SFI1: variants seen among roughly 807,000 people sequenced by gnomAD.
SFI1 encodes protein SFI1 homolog.
In SFI1, 195 loss-of-function variants were observed where a neutral mutation model predicts 207.5. That is an observed-to-expected ratio of 0.94 (90% confidence interval 0.84 to 1.06). SFI1 has a LOEUF of 1.06. Ranked by LOEUF, SFI1 falls within the 50% of genes least tolerant of loss-of-function variation. The pLI, the probability that SFI1 is intolerant of heterozygous loss-of-function variation, is 0.00. For synonymous variants in SFI1, 630 were observed against 598.9 expected (o/e 1.05, Z -0.76); for missense variants, 1,634 against 1,588.0 (o/e 1.03, Z -0.49).
intron 19 of SFI1, 51 bp from the exon 20 acceptor site, chr22:31,604,818 A>G (rs754988340): frequency 9.7e-6 from 15 of 1,547,958 alleles, no homozygotes; most frequent in Middle Eastern, 1.7e-4. Context: ...CTGCCTAAAC[A>G]GGGGGAAGTG....
intron 15 of SFI1, among the ~76,000 whole-genome samples, chr22:31,594,005 A>AGAGGGGCAGGGAGAGGGAGAGGGG (rs71184509): frequency 7.8e-6 from 1 of 128,214 alleles, no homozygotes; most frequent in African/African-American, 3.0e-5. Context: ...AGGGAGAGGG[A>AGAGGGGCAGGGAGAGGGAGAGGGG]CAGGGAGAGG....
Position 31,615,546 on chromosome 22 carries a change from C to T in SFI1, c.3300+267C>T, listed in dbSNP as rs1603371640. Reference sequence around the variant, plus strand: ...CCCTGCCTGCAGGCCAGTAAAGTGGCTGCAGATCACGTAGGGTCCTGCAGG... The same window carrying T: ...CCCTGCCTGCAGGCCAGTAAAGTGGTTGCAGATCACGTAGGGTCCTGCAGG... On this transcript the variant is annotated intron_variant, in intron 29 of 32. Transcript: ENST00000400288. The T allele has an allele frequency of 1.6e-5, 6 of 380,598 alleles. No homozygotes were observed. The South Asian group carries it at 6.1e-4, about 39-fold the overall frequency. 23.6% of individuals were successfully genotyped at this position (380,598 alleles called of 1,614,324 possible).
chr22:31,532,488 ACTT>A lies in SFI1; in HGVS notation c.338+1363_338+1365del, dbSNP rs71803043. On this transcript the variant is annotated intron_variant, in intron 4 of 32. Transcript: ENST00000400288. ...ATTGGCAGCCTTTGAGAATGTAAGC[ACTT>A]CTTAAAAACTGAAATGTCTTGGGTT... 5.8e-3 allele frequency among the ~76,000 whole-genome samples: 886 copies of A among 152,208 alleles called. 12 individuals carry two copies. The highest frequency in any genetic ancestry group is 0.02 in the African/African-American group (818 of 41,518).
chr22:31,553,628 C>T (rs1247764031), intron 6 of SFI1, among the ~76,000 whole-genome samples: 4 of 150,232 alleles, frequency 2.7e-5, no homozygotes, highest in African/African-American at 9.8e-5. Flanking sequence ...CTGCCTCGGC[C>T]TCCCAAAGTG....
intron 11 of SFI1, 99 bp from the exon 12 acceptor site, chr22:31,580,172 TC>T: frequency 1.2e-6 from 1 of 809,124 alleles, no homozygotes; most frequent in Non-Finnish European, 2.0e-6. Context: ...ACCAAGCTTC[TC>T]CCCGCTGATT....
At chr22:31,548,081 G>A (rs985291071) in intron 5 of SFI1, among the ~76,000 whole-genome samples, 24 of 151,922 alleles carry the variant, frequency 1.6e-4, no homozygotes, top group African/African-American at 5.3e-4. Context: ...TTGGCTAGGC[G>A]TGGTGGCAGG....
At chr22:31,505,778 G>A (rs2054540333) in intron 1 of SFI1, among the ~76,000 whole-genome samples, 1 of 152,194 alleles carries the variant, frequency 6.6e-6, no homozygotes, top group Non-Finnish European at 1.5e-5. Context: ...CAGCTACTTG[G>A]GAGGCTATGG....
intron 27 of SFI1, 59 bp from the exon 28 acceptor site, chr22:31,614,730 T>C: frequency 6.3e-7 from 1 of 1,584,856 alleles, no homozygotes; most frequent in Non-Finnish European, 8.7e-7. Context: ...CACAGAGATC[T>C]CAGACCCCCC....
intron 13 of SFI1, among the ~76,000 whole-genome samples, chr22:31,584,760 A>G (rs1397213999): frequency 6.6e-6 from 1 of 151,452 alleles, no homozygotes; most frequent in Non-Finnish European, 1.5e-5. Context: ...TTGGCCATGA[A>G]ACCAGAAAGT....
At chr22:31,523,538 G>C (rs1169795605) in intron 2 of SFI1, among the ~76,000 whole-genome samples, 1 of 152,206 alleles carries the variant, frequency 6.6e-6, no homozygotes, top group Non-Finnish European at 1.5e-5. Flanking sequence ...TCAGGTATCT[G>C]AATAGTAAAC....
Position 31,614,786 on chromosome 22 carries a change from C to T in SFI1, c.2997-3C>T, listed in dbSNP as rs201001495. 1.7e-5 allele frequency: 28 copies of T among 1,613,812 alleles called. No homozygotes were observed. In the African/African-American group the frequency reaches 2.4e-4, roughly 14 times the overall value. On this transcript the variant is annotated splice_region_variant and splice_polypyrimidine_tract_variant and intron_variant, in intron 27 of 32. Coordinates refer to ENST00000400288, the MANE Select transcript of SFI1 (RefSeq NM_001007467.3). Reference sequence around the variant, plus strand: ...GGGGAACAGACCCCATGTTTCTTTCCAGCAACACTGCCCACTCAGCGAGGA... The same window carrying T: ...GGGGAACAGACCCCATGTTTCTTTCTAGCAACACTGCCCACTCAGCGAGGA...
chr22:31,519,454 C>T (rs78987783), intron 2 of SFI1, among the ~76,000 whole-genome samples: 7 of 148,164 alleles, frequency 4.7e-5, no homozygotes, highest in East Asian at 2.0e-4. Context: ...TTTTTTTTTC[C>T]GAGACACAGT....
At chr22:31,547,385 A>G (rs2060189217) in intron 5 of SFI1, among the ~76,000 whole-genome samples, 1 of 152,198 alleles carries the variant, frequency 6.6e-6, no homozygotes, top group Non-Finnish European at 1.5e-5. Flanking sequence ...ATCTTGGCTC[A>G]CTGCAACTTC....
chr22:31,500,772 T>G (rs1601767598), intron 1 of SFI1, among the ~76,000 whole-genome samples: 3 of 150,518 alleles, frequency 2.0e-5, no homozygotes, highest in East Asian at 2.0e-4. Flanking sequence ...AGTGGTGTTT[T>G]TGTGTGTGTG....
rs187774296 is a variant in SFI1 at position 31,588,397 on chromosome 22, T to C, written c.1414-1050T>C. Among the ~76,000 whole-genome samples, 534 of 152,316 alleles carry C rather than the reference T, an allele frequency of 3.5e-3. 3 individuals carry two copies. The highest frequency in any genetic ancestry group is 0.012 in the African/African-American group (512 of 41,570). ...TTGTATAGCCTCAGAACTCACACAG[T>C]GCCACTTTTACCATGTGCTATTGGT... On this transcript the variant is annotated intron_variant, in intron 14 of 32. Transcript: ENST00000400288.
In SFI1 at chr22:31,575,085, CGTGTGTGTGT is replaced by C. The variant is rs71679890; in HGVS notation, c.923-118_923-109del. 3.2e-3 allele frequency: 901 copies of C among 285,348 alleles called. 4 individuals carry two copies. The highest frequency in any genetic ancestry group is 7.4e-3 in the African/African-American group (305 of 41,064). 17.7% of individuals were successfully genotyped at this position (285,348 alleles called of 1,614,324 possible). A position where few individuals can be genotyped will look rare whatever the true frequency, so the allele number is the denominator to read the frequency against. ...AAGAAAAAAAAAAAAAAACTTAGTG[CGTGTGTGTGT>C]GTGTGTGTGTGTGTGTGTGTGTGTG... On this transcript the variant is annotated intron_variant, in intron 9 of 32. Transcript: ENST00000400288.
chr22:31,504,366 G>T (rs1224593830), intron 1 of SFI1, among the ~76,000 whole-genome samples: 1 of 152,128 alleles, frequency 6.6e-6, no homozygotes, highest in African/African-American at 2.4e-5. Flanking sequence ...TGTAAGTAAG[G>T]ATTATTCGTT....
intron 8 of SFI1, 154 bp from the exon 9 acceptor site, chr22:31,572,904 T>C: frequency 1.4e-6 from 1 of 696,192 alleles, no homozygotes; most frequent in Non-Finnish European, 2.4e-6. Flanking sequence ...TACCCCACGG[T>C]CCCATAGCTT....
chr22:31,609,103 A>T (rs912588002), intron 22 of SFI1, among the ~76,000 whole-genome samples: 3 of 151,988 alleles, frequency 2.0e-5, no homozygotes, highest in Admixed American at 2.0e-4. Flanking sequence ...GGTTCAAGCG[A>T]ATCTCCTGCC....
Sources: allele counts gnomAD v4.1 joint callset (sites outside exome capture counted in the v4.1 genomes callset), GRCh38; gene constraint gnomAD v4.1.1; transcripts MANE v1.5; gene names NCBI Gene and HGNC (gene_info 2026-07-23, HGNC 2026-07-21).